ADAMTSL3: variants seen among roughly 807,000 people sequenced by gnomAD.
ADAMTSL3 encodes ADAMTS-like protein 3.
A neutral mutation model predicts 201.7 loss-of-function variants in ADAMTSL3; 128 were observed. The observed-to-expected ratio is 0.63, with a 90% CI of 0.55 to 0.73. The LOEUF is 0.73. Among genes scored for constraint, ADAMTSL3 ranks in the 30% least tolerant of loss-of-function variants. ADAMTSL3 has a pLI of 0.00. For synonymous variants in ADAMTSL3, 738 were observed against 748.4 expected, an observed-to-expected ratio of 0.99 and a Z score of 0.23; for missense variants, 1,990 against 2,119.6, an observed-to-expected ratio of 0.94 and a Z score of 1.20.
At chr15:83,910,845 G>C (rs2065919021) in intron 15 of ADAMTSL3, among the ~76,000 whole-genome samples, 1 of 149,190 alleles carries the variant, frequency 6.7e-6, no homozygotes, top group Non-Finnish European at 1.5e-5. Context: ...TCGCCATGTT[G>C]GCCAGGCTAG....
At chr15:83,761,059 GGATT>G (rs751491581) in intron 3 of ADAMTSL3, among the ~76,000 whole-genome samples, 2 of 151,524 alleles carry the variant, frequency 1.3e-5, no homozygotes, top group Non-Finnish European at 2.9e-5. Flanking sequence ...GCCTTCTTTT[GGATT>G]GATTAAATGT....
At chr15:83,718,059 T>C (rs1483281038) in intron 3 of ADAMTSL3, among the ~76,000 whole-genome samples, 1 of 152,182 alleles carries the variant, frequency 6.6e-6, no homozygotes. Context: ...AGTCCTAGAA[T>C]TGAATTGTAA....
chr15:83,975,857 A>G (rs1469947111), intron 20 of ADAMTSL3, among the ~76,000 whole-genome samples: 3 of 152,194 alleles, frequency 2.0e-5, no homozygotes, highest in African/African-American at 7.2e-5. Context: ...ACTCCATGTG[A>G]AGGAGTTAAA....
intron 3 of ADAMTSL3, among the ~76,000 whole-genome samples, chr15:83,714,791 T>TTCTTTCTTTCTTTCTTTCTTTCTTTCTC (rs1555433213): frequency 1.0e-4 from 8 of 78,796 alleles, no homozygotes; most frequent in African/African-American, 2.6e-4. Context: ...TTCTTTTTCT[T>TTCTTTCTTTCTTTCTTTCTTTCTTTCTC]TCTCTCTCTT....
chr15:83,930,814 G>C (rs2066341211), intron 17 of ADAMTSL3, among the ~76,000 whole-genome samples: 2 of 152,206 alleles, frequency 1.3e-5, no homozygotes, highest in Non-Finnish European at 2.9e-5. Flanking sequence ...AAATGTTTTA[G>C]GTTCTAGAAA....
chr15:83,676,675 C>T (rs1166776424), intron 2 of ADAMTSL3, among the ~76,000 whole-genome samples: 1 of 152,190 alleles, frequency 6.6e-6, no homozygotes, highest in Non-Finnish European at 1.5e-5. Flanking sequence ...AACACTCCAT[C>T]TCAACAACAA....
At chr15:83,809,940 T>C (rs901841639) in intron 5 of ADAMTSL3, among the ~76,000 whole-genome samples, 1 of 152,176 alleles carries the variant, frequency 6.6e-6, no homozygotes, top group Non-Finnish European at 1.5e-5. Flanking sequence ...GATCAAGTTT[T>C]TTCTTGGTGG....
rs540417223 is a variant in ADAMTSL3 at position 83,853,380 on chromosome 15, G to A, written c.728-5386G>A. On this transcript the variant is annotated intron_variant, in intron 7 of 29. Coordinates refer to ENST00000286744, the MANE Select transcript of ADAMTSL3 (RefSeq NM_207517.3). ...TTTAAAAACTCTTCAGTCATACGGTGCTGACTGGTATCCCATCATTTCCCC... is the reference window on the plus strand; with the variant it reads ...TTTAAAAACTCTTCAGTCATACGGTACTGACTGGTATCCCATCATTTCCCC... Among the ~76,000 whole-genome samples the A allele has an allele frequency of 2.0e-5, 3 of 152,166 alleles. No individual in the cohort carries two copies. The South Asian group carries it at 6.2e-4, about 32-fold the overall frequency.
At chr15:84,026,397 A>G (rs865859324) in intron 27 of ADAMTSL3, among the ~76,000 whole-genome samples, 2 of 152,244 alleles carry the variant, frequency 1.3e-5, no homozygotes, top group African/African-American at 2.4e-5. Context: ...TACAAATTCA[A>G]TGTGATCGCT....
chr15:84,021,900 A>G (rs1401349984), intron 26 of ADAMTSL3, among the ~76,000 whole-genome samples: 2 of 152,042 alleles, frequency 1.3e-5, no homozygotes, highest in South Asian at 2.1e-4. Context: ...TGCACACACA[A>G]TCCTGTCAGT....
intron 3 of ADAMTSL3, among the ~76,000 whole-genome samples, chr15:83,714,302 A>T (rs1251382985): frequency 6.6e-6 from 1 of 152,176 alleles, no homozygotes; most frequent in Non-Finnish European, 1.5e-5. Context: ...GGGACATCCC[A>T]AGGGCAAGTG....
At chr15:83,691,903 G>A (rs1194775604) in intron 2 of ADAMTSL3, among the ~76,000 whole-genome samples, 1 of 152,062 alleles carries the variant, frequency 6.6e-6, no homozygotes, top group African/African-American at 2.4e-5. Flanking sequence ...TGTGAACCAC[G>A]GCGCCCAGCG....
At chr15:83,773,420 G>A (rs1033864482) in intron 3 of ADAMTSL3, 103 bp from the exon 4 acceptor site, 5 of 1,278,982 alleles carry the variant, frequency 3.9e-6, no homozygotes, top group South Asian at 1.4e-5. Flanking sequence ...AAAAAAAAAA[G>A]GTGACTCTGG....
chr15:83,954,362 C>A (rs559504131), intron 19 of ADAMTSL3, among the ~76,000 whole-genome samples: 24 of 152,160 alleles, frequency 1.6e-4, no homozygotes, highest in Middle Eastern at 3.2e-3. Context: ...TTTTTTAAAT[C>A]TAGAATTTCT....
intron 12 of ADAMTSL3, 62 bp from the exon 13 acceptor site, chr15:83,892,615 TGCCACCA>T: frequency 2.7e-6 from 4 of 1,483,990 alleles, no homozygotes; most frequent in Admixed American, 2.0e-5. Context: ...CCATACTTTT[TGCCACCA>T]TCTTTGCAAA....
intron 23 of ADAMTSL3, among the ~76,000 whole-genome samples, chr15:84,002,936 CTTTTTTTTTTTTTT>C (rs368176543): frequency 1.0e-5 from 1 of 99,986 alleles, no homozygotes; most frequent in Non-Finnish European, 1.9e-5. Flanking sequence ...CTTTTCTTTT[CTTTTTTTTTTTTTT>C]TTTTTGGCTT....
chr15:83,734,603 A>T (rs576581830), intron 3 of ADAMTSL3, among the ~76,000 whole-genome samples: 195 of 152,224 alleles, frequency 1.3e-3, no homozygotes, highest in African/African-American at 4.6e-3. Flanking sequence ...GCTGACTCAC[A>T]CCTGCCGGTT....
intron 6 of ADAMTSL3, among the ~76,000 whole-genome samples, chr15:83,829,635 A>G (rs1254158070): frequency 6.6e-6 from 1 of 152,100 alleles, no homozygotes; most frequent in Non-Finnish European, 1.5e-5. Flanking sequence ...TCAATTTTAG[A>G]TCTTTCCTGC....
At chr15:83,987,973 G>A (rs1001918012) in intron 21 of ADAMTSL3, among the ~76,000 whole-genome samples, 2 of 152,072 alleles carry the variant, frequency 1.3e-5, no homozygotes, top group Non-Finnish European at 2.9e-5. Context: ...TCCTAACAAA[G>A]GTTCTTCTCA....
Sources: gnomAD v4.1 joint callset for allele counts (sites outside exome capture counted in the v4.1 genomes callset) on GRCh38, gnomAD v4.1.1 for gene constraint, MANE v1.5 for transcripts, NCBI Gene and HGNC (gene_info 2026-07-23, HGNC 2026-07-21) for gene names.